MACF1: variants seen among roughly 807,000 people sequenced by gnomAD.
MACF1 encodes the protein microtubule-actin cross-linking factor 1.
Under a neutral mutation model 854.8 loss-of-function variants are expected in MACF1, and 193 were observed. The ratio of observed to expected loss-of-function variants is 0.23; its 90% CI spans 0.20 to 0.25. MACF1 has a LOEUF of 0.25. Among genes scored for constraint, MACF1 ranks in the 10% least tolerant of loss-of-function variants. The pLI is 1.00. For missense variants in MACF1, 7,722 were observed against 8,929.1 expected (o/e 0.86, Z 5.45); for synonymous variants, 3,185 against 3,226.7 (o/e 0.99, Z 0.44).
intron 2 of MACF1, among the ~76,000 whole-genome samples, chr1:39,197,842 C>T (rs566621362): frequency 6.6e-6 from 1 of 152,262 alleles, no homozygotes; most frequent in South Asian, 2.1e-4. Flanking sequence ...GCTATGATCA[C>T]ACCACTGCAT....
intron 1 of MACF1, among the ~76,000 whole-genome samples, chr1:39,223,078 A>G (rs1644673388): frequency 6.6e-6 from 1 of 152,200 alleles, no homozygotes; most frequent in Admixed American, 6.5e-5. Flanking sequence ...GAGATGGGAA[A>G]AGCTCCTGGA....
rs780968990 is a variant in MACF1, at chr1:39,300,320, C to T, written c.2592C>T (p.Asn864=). ...GCAGTCCAGACCATGTGTTAAAGAA[C>T]ACCATTTCTGTCAAGGCTGTCTGTG... is the stretch of plus-strand genomic sequence containing the variant. ...KPRSPDHVLK[N]TISVKAVCDY... Residue 864 remains asparagine (N), a synonymous_variant, in exon 22 of 101, where the codon AAC becomes AAT. Coordinates refer to ENST00000564288, the MANE Select transcript of MACF1 (RefSeq NM_001394062.1). 7.4e-6 allele frequency: 12 copies of T among 1,613,882 alleles called. No homozygotes were observed. In the African/African-American group the frequency reaches 1.6e-4, roughly 22 times the overall value.
Position 39,335,623 on chromosome 1 carries a change from A to G in MACF1, c.9035A>G (p.His3012Arg). Residue 3012 changes from histidine (H) to arginine (R), a missense_variant, in exon 37 of 101, where the codon CAT (histidine) becomes CGT (arginine). Coordinates refer to ENST00000564288, the MANE Select transcript of MACF1 (RefSeq NM_001394062.1). Reference protein sequence around the residue: ...ETAIRDEHDSHIKSQPREMTS... With the variant: ...ETAIRDEHDSRIKSQPREMTS... ...GCCATTAGAGATGAGCATGACTCCC[A>G]TATAAAGAGCCAACCTAGGGAAATG... 1 of 1,614,190 alleles carries G rather than the reference A, an allele frequency of 6.2e-7. No individual in the cohort carries two copies. Among genetic ancestry groups the G allele is most frequent in the Non-Finnish European group, 8.5e-7 (1 of 1,180,022 alleles).
chr1:39,384,250 A>G (rs1310290107), intron 56 of MACF1, among the ~76,000 whole-genome samples: 4 of 152,004 alleles, frequency 2.6e-5, no homozygotes, highest in South Asian at 2.1e-4. Flanking sequence ...ATGCTTTCAC[A>G]GTTCTGTGTT....
intron 1 of MACF1, among the ~76,000 whole-genome samples, chr1:39,217,299 G>T (rs1644588490): frequency 7.1e-6 from 1 of 140,376 alleles, no homozygotes. Context: ...TTTAGAGACG[G>T]AGTCTTACTC....
At chr1:39,246,361 G>A (rs1644980884) in intron 2 of MACF1, among the ~76,000 whole-genome samples, 1 of 152,164 alleles carries the variant, frequency 6.6e-6, no homozygotes, top group Non-Finnish European at 1.5e-5. Context: ...CTTCTTTGCT[G>A]CCATTTTAAA....
intron 95 of MACF1, among the ~76,000 whole-genome samples, chr1:39,466,487 G>A (rs926636025): frequency 6.6e-5 from 10 of 152,226 alleles, no homozygotes; most frequent in Admixed American, 3.9e-4. Flanking sequence ...ATAGTACACA[G>A]TATTCCAAGA....
chr1:39,193,194 C>T (rs1644277804), intron 2 of MACF1, among the ~76,000 whole-genome samples: 1 of 151,976 alleles, frequency 6.6e-6, no homozygotes, highest in African/African-American at 2.4e-5. Context: ...ATAGACAGGG[C>T]TTCTTTTCTT....
intron 2 of MACF1, among the ~76,000 whole-genome samples, chr1:39,166,166 C>T (rs769618977): frequency 3.3e-5 from 5 of 150,954 alleles, no homozygotes; most frequent in Non-Finnish European, 7.4e-5. Flanking sequence ...CTCCCAGGTT[C>T]AAGTGATTCT....
intron 2 of MACF1, among the ~76,000 whole-genome samples, chr1:39,243,491 G>A (rs187677571): frequency 6.4e-4 from 97 of 152,030 alleles, no homozygotes; most frequent in Admixed American, 1.0e-3. Context: ...AGCTTCAGTC[G>A]GCTGGGCTCA....
At chr1:39,472,329 T>A (rs1329198109) in intron 97 of MACF1, among the ~76,000 whole-genome samples, 1 of 152,230 alleles carries the variant, frequency 6.6e-6, no homozygotes, top group African/African-American at 2.4e-5. Flanking sequence ...ATTTGGTGTT[T>A]CCTTCTAGTT....
At chr1:39,123,454 C>T (rs373725817) in intron 2 of MACF1, among the ~76,000 whole-genome samples, 23 of 151,840 alleles carry the variant, frequency 1.5e-4, no homozygotes, top group Middle Eastern at 3.4e-3. Flanking sequence ...ATGATCCACC[C>T]GCCTCGGCAT....
chr1:39,122,379 G>A (rs1003070423), intron 2 of MACF1, among the ~76,000 whole-genome samples: 2 of 151,002 alleles, frequency 1.3e-5, no homozygotes, highest in South Asian at 2.1e-4. Flanking sequence ...TCAGCCTCCC[G>A]AGTAGCTGTG....
chr1:39,397,327 C>T lies in MACF1; in HGVS notation c.15816+8669C>T, dbSNP rs146664925. 4.5e-4 allele frequency among the ~76,000 whole-genome samples: 69 copies of T among 152,150 alleles called. 1 individual carries two copies. In the East Asian group the frequency reaches 0.013, roughly 28 times the overall value. On this transcript the variant is annotated intron_variant, in intron 58 of 100. Coordinates refer to ENST00000564288, the MANE Select transcript of MACF1 (RefSeq NM_001394062.1). ...CTGTCATCTCAGCACTTTGGGAGGC[C>T]GAGGTGGGTGGATCACCTGAGGTCA...
Position 39,443,508 on chromosome 1 carries a change from G to C in MACF1, c.19365G>C (p.Gln6455His), listed in dbSNP as rs1644160831. The change falls in exon 79 of 101, where the codon CAG becomes CAC. Residue 6455 changes from glutamine to histidine, a missense_variant. Gln to His is a conservative substitution (Grantham distance 24). Around this residue, in one of 15 missense-constraint regions of MACF1, gnomAD observed 729 missense variants for 900.5 expected, o/e 0.81. Transcript: ENST00000564288. ...TGGAACTTACTAGAATGGAGAGCCA[G>C]CTTTCTGCATCTAAGCCCACAGGAG... ...FLLELTRMES[Q>H]LSASKPTGGL... 6.2e-7 allele frequency: 1 copy of C among 1,613,906 alleles called. No homozygotes were observed. Among genetic ancestry groups the C allele is most frequent in the Non-Finnish European group, 8.5e-7 (1 of 1,179,932 alleles).
Position 39,294,314 on chromosome 1 carries a change from A to G in MACF1, c.2154+695A>G, listed in dbSNP as rs541005373. 2.0e-5 allele frequency among the ~76,000 whole-genome samples: 3 copies of G among 152,366 alleles called. No homozygotes were observed. The East Asian group carries it at 5.8e-4, about 29-fold the overall frequency. On this transcript the variant is annotated intron_variant, in intron 18 of 100. Coordinates refer to ENST00000564288, the MANE Select transcript of MACF1 (RefSeq NM_001394062.1). ...GTTAGGATTAGTTTTTGCTACTTTT[A>G]GTATTTTCACACTCAGAAGATTTTT... is the stretch of plus-strand genomic sequence containing the variant.
Position 39,388,326 on chromosome 1 carries a change from G to A in MACF1, c.15484G>A (p.Val5162Ile), listed in dbSNP as rs1241112106. The A allele has an allele frequency of 1.2e-6, 2 of 1,614,218 alleles. No homozygotes were observed. Among genetic ancestry groups the A allele is most frequent in the Admixed American group, 3.3e-5 (2 of 60,024 alleles). ...TAGCCTCCAGTCCCAAATCGAGGAT[G>A]TCCGGCTATTCCTTAACAAAATTCA... ...TDSLQSQIED[V>I]RLFLNKIHVL... The change falls in exon 58 of 101, where the codon GTC (valine) becomes ATC (isoleucine). Residue 5162 changes from valine to isoleucine, a missense_variant. Around this residue, in one of 15 missense-constraint regions of MACF1, gnomAD observed 2,807 missense variants for 3,235.8 expected, o/e 0.87. Coordinates refer to ENST00000564288, the MANE Select transcript of MACF1 (RefSeq NM_001394062.1).
intron 2 of MACF1, among the ~76,000 whole-genome samples, chr1:39,149,222 A>G (rs1176859790): frequency 6.6e-6 from 1 of 152,162 alleles, no homozygotes; most frequent in African/African-American, 2.4e-5. Context: ...TAGTGCCATT[A>G]CTTGAAGTGG....
intron 2 of MACF1, among the ~76,000 whole-genome samples, chr1:39,092,180 T>C (rs1248697100): frequency 6.6e-6 from 1 of 152,178 alleles, no homozygotes; most frequent in Non-Finnish European, 1.5e-5. Context: ...GTGGTTTGCA[T>C]CTATTCTTGC....
Sources: gnomAD v4.1 joint callset for allele counts (sites outside exome capture counted in the v4.1 genomes callset) on GRCh38, gnomAD v4.1.1 for gene constraint, gnomAD v4.1.1 regional missense constraint, MANE v1.5 for transcripts, NCBI Gene and HGNC (gene_info 2026-07-23, HGNC 2026-07-21) for gene names.